The following WDR81 variants were observed in gnomAD, a reference collection of about 807,000 sequenced individuals.
WDR81 encodes the protein WD repeat-containing protein 81.
Under a neutral mutation model 140.8 loss-of-function variants are expected in WDR81, and 92 were observed. The observed-to-expected ratio is 0.65, with a 90% CI of 0.55 to 0.78. The LOEUF (loss-of-function observed/expected upper bound fraction) is 0.78. WDR81 is among the 30% of genes least tolerant of loss of function. The pLI is 0.00. For synonymous variants in WDR81, 1,183 were observed against 1,156.4 expected, an observed-to-expected ratio of 1.02 and a Z score of -0.47; for missense variants, 2,502 against 2,636.4, an observed-to-expected ratio of 0.95 and a Z score of 1.12.
rs1351650823 is a variant in WDR81 at position 1,735,006 on chromosome 17, CA to C, written c.5180-565del. Among the ~76,000 whole-genome samples the C allele has an allele frequency of 6.6e-6, 1 of 151,822 alleles. No individual in the cohort carries two copies. The highest frequency in any genetic ancestry group is 2.4e-5 in the African/African-American group (1 of 41,310). On this transcript the variant is annotated intron_variant, in intron 7 of 9. Transcript: ENST00000409644. This position sits in a 1 kb window ranked among gnomAD's most constrained non-coding sequence, Gnocchi z 4.2. ...TGGGAGCCTGGCCGGGCCATGGAAG[CA>C]GGAAGGTGGGAGAGTCAAGAAACAT... is the stretch of plus-strand genomic sequence containing the variant.
In WDR81 at chr17:1,735,686, G is replaced by T; in HGVS notation, c.5294G>T (p.Arg1765Leu). The change falls in exon 8 of 10, where the codon CGC (arginine) becomes CTC (leucine). Residue 1765 changes from arginine (R) to leucine (L), a missense_variant. This residue lies in a region of WDR81 where 1,737 missense variants were observed against 1,843.0 expected (regional missense o/e 0.94). Coordinates refer to ENST00000409644, the MANE Select transcript of WDR81 (RefSeq NM_001163809.2). The surrounding 1 kb of genome is among the most constrained non-coding windows in gnomAD (Gnocchi z 4.2). The stretch of plus-strand genomic sequence containing the variant: ...ATGGCCAGCTCTGACTCTACCCTGC[G>T]CTTTGTGGACTGCAGGAAGCCTGGT... ...ITMASSDSTLRFVDCRKPGLQ... is the reference protein window; with the variant it reads ...ITMASSDSTLLFVDCRKPGLQ... The T allele has an allele frequency of 6.2e-7, 1 of 1,612,882 alleles. No homozygotes were observed.
In WDR81 at chr17:1,733,754, G is replaced by A. The variant is rs1231532270; in HGVS notation, c.4717G>A (p.Asp1573Asn). 1.3e-5 allele frequency: 21 copies of A among 1,612,454 alleles called. No homozygotes were observed. Among genetic ancestry groups the A allele is most frequent in the Non-Finnish European group, 1.7e-5 (20 of 1,179,820 alleles). Residue 1573 changes from aspartate to asparagine, a missense_variant, in exon 7 of 10, where the codon GAC (aspartate) becomes AAC (asparagine). Transcript: ENST00000409644. The stretch of plus-strand genomic sequence containing the variant: ...GGGGAACCGCATTCAGATCCCCAAT[G>A]ACTCTCGGCCTGAGAACCCCGGACC... ...LVGNRIQIPNDSRPENPGPLG... is the reference protein window; with the variant it reads ...LVGNRIQIPNNSRPENPGPLG...
chr17:1,725,342 G>C lies in WDR81; in HGVS notation c.383G>C (p.Gly128Ala). The C allele has an allele frequency of 6.5e-7, 1 of 1,549,108 alleles. No individual in the cohort carries two copies. The highest frequency in any genetic ancestry group is 8.7e-7 in the Non-Finnish European group (1 of 1,146,952). The change falls in exon 1 of 10, where the codon GGG becomes GCG. Residue 128 changes from glycine to alanine, a missense_variant. Gly to Ala is a moderately conservative substitution (Grantham distance 60). Around this residue, in one of 3 missense-constraint regions of WDR81, gnomAD observed 547 missense variants for 513.8 expected, o/e 1.06. Coordinates refer to ENST00000409644, the MANE Select transcript of WDR81 (RefSeq NM_001163809.2). ...GGCGGGGGCCTGCCCTTTGAGGACG[G>C]GTCCTGCGGCCCTGAGACCCTCACT... ...PLGGGLPFED[G>A]SCGPETLTRF...
At chr17:1,718,409 C>T (rs969648118) in intron 1 of WDR81, among the ~76,000 whole-genome samples, 4 of 152,234 alleles carry the variant, frequency 2.6e-5, no homozygotes, top group Non-Finnish European at 5.9e-5. Flanking sequence ...TGTGAGCCAC[C>T]GCGCCCGGCC....
Position 1,725,971 on chromosome 17 carries a change from C to T in WDR81, c.1012C>T (p.Gln338Ter). ...AGAGGAGCAGGGAGGGCAACCTGGG[C>T]AACCCACTGGCCAGGAGGAACTTCG... ...SQEEQGGQPG[Q>*]PTGQEELRSL... The change falls in exon 1 of 10, where the codon CAA becomes TAA. Residue 338 changes from glutamine (Q) to a stop codon, truncating the protein, a stop_gained. Coordinates refer to ENST00000409644, the MANE Select transcript of WDR81 (RefSeq NM_001163809.2). LOFTEE classifies it high-confidence loss of function. 1 of 1,550,378 alleles carries T rather than the reference C, an allele frequency of 6.5e-7. No homozygotes were observed. Among genetic ancestry groups the T allele is most frequent in the Non-Finnish European group, 8.7e-7 (1 of 1,146,774 alleles).
intron 1 of WDR81, chr17:1,716,644 A>AT: frequency 6.4e-7 from 1 of 1,551,650 alleles, no homozygotes; most frequent in Non-Finnish European, 8.7e-7. Flanking sequence ...GTGAGTTGGC[A>AT]TTTTTAAACT....
upstream of WDR81, among the ~76,000 whole-genome samples, chr17:1,723,292 A>G (rs777532387): frequency 2.0e-5 from 3 of 152,134 alleles, no homozygotes; most frequent in Non-Finnish European, 2.9e-5. Flanking sequence ...GCAGAGGCCA[A>G]TCTTCAACAG....
Position 1,727,213 on chromosome 17 carries a change from C to T in WDR81, c.2254C>T (p.Pro752Ser), listed in dbSNP as rs200781463. ...AGGCCTAGGGGGCCTGTTGGAGGTGCCTGAGCAGCCCCGGGTCCAGCCGGC... is the reference window on the plus strand; with the variant it reads ...AGGCCTAGGGGGCCTGTTGGAGGTGTCTGAGCAGCCCCGGGTCCAGCCGGC... ...AKGLGGLLEV[P>S]EQPRVQPAVP... The change falls in exon 1 of 10, where the codon CCT becomes TCT. Residue 752 changes from proline (P) to serine (S), a missense_variant. Around this residue, in one of 3 missense-constraint regions of WDR81, gnomAD observed 1,737 missense variants for 1,843.0 expected, o/e 0.94. Coordinates refer to ENST00000409644, the MANE Select transcript of WDR81 (RefSeq NM_001163809.2). 2,208 of 1,550,154 alleles carry T rather than the reference C, an allele frequency of 1.4e-3. 6 individuals are homozygous for T. The highest frequency in any genetic ancestry group is 5.3e-3 in the Middle Eastern group (32 of 5,988).
rs1915241012 is a variant in WDR81 at position 1,726,190 on chromosome 17, A to G, written c.1231A>G (p.Lys411Glu). ...KSKFRLNKGD[K>E]QLDFTYEMTR... Reference sequence around the variant, plus strand: ...CAAGTTCCGCCTCAACAAGGGGGATAAGCAACTGGACTTCACGTATGAGAT... The same window carrying G: ...CAAGTTCCGCCTCAACAAGGGGGATGAGCAACTGGACTTCACGTATGAGAT... The change falls in exon 1 of 10, where the codon AAG becomes GAG. Residue 411 changes from lysine (K) to glutamate (E), a missense_variant. By Grantham distance (56) the Lys-to-Glu change is moderately conservative. Coordinates refer to ENST00000409644, the MANE Select transcript of WDR81 (RefSeq NM_001163809.2). 6.6e-7 allele frequency: 1 copy of G among 1,521,408 alleles called. No homozygotes were observed. Among genetic ancestry groups the G allele is most frequent in the Non-Finnish European group, 8.9e-7 (1 of 1,128,440 alleles). 94.2% of individuals were successfully genotyped at this position (1,521,408 alleles called of 1,614,324 possible). A position where few individuals can be genotyped will look rare whatever the true frequency, so the allele number is the denominator to read the frequency against.
At chr17:1,731,026 G>A (rs376018945) in intron 3 of WDR81, 42 bp from the exon 4 acceptor site, 1 of 1,606,038 alleles carries the variant, frequency 6.2e-7, no homozygotes, top group African/African-American at 1.3e-5. Flanking sequence ...GTGCCAGGGG[G>A]TCTGTGGGGC....
intron 5 of WDR81, 32 bp downstream of exon 5, chr17:1,732,522 G>C: frequency 2.5e-6 from 4 of 1,605,114 alleles, no homozygotes; most frequent in Non-Finnish European, 3.4e-6. Context: ...GGGCGGGCTG[G>C]GGCGGGGGCT....
chr17:1,726,306 G>C lies in WDR81; in HGVS notation c.1347G>C (p.Thr449=), dbSNP rs888901526. ...HHISDVLSDI[T]YYVYKARRTP... is the part of the protein sequence containing the mutation. ...TCTCAGACGTGCTCTCCGACATCAC[G>C]TACTATGTGTACAAGGCTCGGCGCA... The change falls in exon 1 of 10, where the codon ACG becomes ACC. Residue 449 remains threonine, a synonymous_variant. Coordinates refer to ENST00000409644, the MANE Select transcript of WDR81 (RefSeq NM_001163809.2). The C allele has an allele frequency of 3.2e-6, 5 of 1,543,690 alleles. No homozygotes were observed. In the Admixed American group the frequency reaches 5.9e-5, roughly 18 times the overall value.
rs201950362 is a variant in WDR81 at position 1,735,679 on chromosome 17, A to G, written c.5287A>G (p.Thr1763Ala). The change falls in exon 8 of 10, where the codon ACC becomes GCC. Residue 1763 changes from threonine to alanine, a missense_variant. Physicochemically the swap from Thr to Ala is moderately conservative, Grantham distance 58. Transcript: ENST00000409644. The surrounding 1 kb of genome is among the most constrained non-coding windows in gnomAD (Gnocchi z 4.2). Reference sequence around the variant, plus strand: ...CATCACCATGGCCAGCTCTGACTCTACCCTGCGCTTTGTGGACTGCAGGAA... The same window carrying G: ...CATCACCATGGCCAGCTCTGACTCTGCCCTGCGCTTTGTGGACTGCAGGAA... The part of the protein sequence containing the change: ...TSITMASSDS[T>A]LRFVDCRKPG... 8.9e-5 allele frequency: 143 copies of G among 1,612,524 alleles called. No homozygotes were observed. The highest frequency in any genetic ancestry group is 4.5e-5 in the East Asian group (2 of 44,854).
At chr17:1,731,613 A>G (rs1031958232) in intron 4 of WDR81, among the ~76,000 whole-genome samples, 1 of 151,902 alleles carries the variant, frequency 6.6e-6, no homozygotes, top group Admixed American at 6.6e-5. Flanking sequence ...CTCTAAAAAT[A>G]TATATAAAGG....
In WDR81 at chr17:1,733,873, G is replaced by A. The variant is rs1426488467; in HGVS notation, c.4836G>A (p.Gly1612=). The A allele has an allele frequency of 6.2e-7, 1 of 1,612,846 alleles. No individual in the cohort carries two copies. The highest frequency in any genetic ancestry group is 8.5e-7 in the Non-Finnish European group (1 of 1,179,964). ...AGGAGCTGCCGCGGAGCGTGCACGG[G>A]CTGAGCGGAAACTGGCTGGCGTACT... ...LKQELPRSVH[G]LSGNWLAYWQ... The change falls in exon 7 of 10, where the codon GGG becomes GGA. Residue 1612 remains glycine (G), a synonymous_variant. Coordinates refer to ENST00000409644, the MANE Select transcript of WDR81 (RefSeq NM_001163809.2).
chr17:1,728,330 C>T lies in WDR81; in HGVS notation c.3371C>T (p.Ala1124Val). ...GAGACCTCCCTGGGTGAGGAGCGGG[C>T]TCCAGACGAGGGGGGTGCCCCCGTG... Reference protein sequence around the residue: ...TSETSLGEERAPDEGGAPVDK... With the variant: ...TSETSLGEERVPDEGGAPVDK... Residue 1124 changes from alanine (A) to valine (V), a missense_variant, in exon 1 of 10, where the codon GCT becomes GTT. Physicochemically the swap from Ala to Val is moderately conservative, Grantham distance 64 (BLOSUM62 0). This residue lies in a region of WDR81 where 1,737 missense variants were observed against 1,843.0 expected (regional missense o/e 0.94). Coordinates refer to ENST00000409644, the MANE Select transcript of WDR81 (RefSeq NM_001163809.2). The T allele has an allele frequency of 6.2e-7, 1 of 1,612,892 alleles. No homozygotes were observed. The highest frequency in any genetic ancestry group is 1.1e-5 in the South Asian group (1 of 91,088).
Position 1,733,737 on chromosome 17 carries a change from G to A in WDR81, c.4700G>A (p.Arg1567His), listed in dbSNP as rs771293112. Residue 1567 changes from arginine to histidine, a missense_variant, in exon 7 of 10, where the codon CGC (arginine) becomes CAC (histidine). Coordinates refer to ENST00000409644, the MANE Select transcript of WDR81 (RefSeq NM_001163809.2). ...GTFGSVLVGN[R>H]IQIPNDSRPE... ...TTTGGGAGCGTCCTGGTGGGGAACCGCATTCAGATCCCCAATGACTCTCGG... is the reference window on the plus strand; with the variant it reads ...TTTGGGAGCGTCCTGGTGGGGAACCACATTCAGATCCCCAATGACTCTCGG... The A allele has an allele frequency of 1.9e-6, 3 of 1,612,590 alleles. No individual in the cohort carries two copies. Among genetic ancestry groups the A allele is most frequent in the Non-Finnish European group, 8.5e-7 (1 of 1,179,822 alleles).
Position 1,725,825 on chromosome 17 carries a change from T to G in WDR81, c.866T>G (p.Ile289Ser). The change falls in exon 1 of 10, where the codon ATC (isoleucine) becomes AGC (serine). Residue 289 changes from isoleucine (I) to serine (S), a missense_variant. Physicochemically the swap from Ile to Ser is moderately radical, Grantham distance 142. Transcript: ENST00000409644. ...LACGALSLYH[I>S]AVDEKLCSEL... is the part of the protein sequence containing the mutation. ...TGTGGGGCCCTGTCTTTGTATCACA[T>G]CGCAGTGGATGAGAAGCTTTGCAGC... The G allele has an allele frequency of 6.4e-7, 1 of 1,550,710 alleles. No homozygotes were observed. Among genetic ancestry groups the G allele is most frequent in the Non-Finnish European group, 8.7e-7 (1 of 1,146,950 alleles).
Position 1,725,290 on chromosome 17 carries a change from C to A in WDR81, c.331C>A (p.Arg111=). Residue 111 remains arginine (R), a synonymous_variant, in exon 1 of 10, where the codon CGG becomes AGG. Coordinates refer to ENST00000409644, the MANE Select transcript of WDR81 (RefSeq NM_001163809.2). ...GACGCGCGTGGAGGTGCATGGGCTG[C>A]GGAAGCGGAGACTGTCCTACCCTCT... ...GWTRVEVHGL[R]KRRLSYPLGG... 6.5e-7 allele frequency: 1 copy of A among 1,547,156 alleles called. No homozygotes were observed. Among genetic ancestry groups the A allele is most frequent in the South Asian group, 1.2e-5 (1 of 84,062 alleles).
Sources: gnomAD v4.1 joint callset for allele counts (sites outside exome capture counted in the v4.1 genomes callset) on GRCh38, gnomAD v4.1.1 for gene constraint, gnomAD v4.1.1 regional missense constraint, Gnocchi (gnomAD v3.1) non-coding constraint, MANE v1.5 for transcripts, NCBI Gene and HGNC (gene_info 2026-07-23, HGNC 2026-07-21) for gene names.